DLGAP2: variants seen among roughly 807,000 people sequenced by gnomAD.
DLGAP2 encodes the protein DLG associated protein 2, also known as disks large-associated protein 2.
In DLGAP2, 26 loss-of-function variants were observed where a neutral mutation model predicts 100.3. That is an observed-to-expected ratio of 0.26 (90% CI 0.19 to 0.36). The LOEUF is 0.36. Ranked by LOEUF, DLGAP2 falls within the 10% of genes least tolerant of loss-of-function variation. DLGAP2 has a pLI of 1.00. For missense variants in DLGAP2, 1,858 were observed against 1,453.2 expected (o/e 1.28, Z -4.53); for synonymous variants, 886 against 630.1 (o/e 1.41, Z -6.08).
At chr8:1,115,157 T>C (rs1180261405) in intron 2 of DLGAP2, among the ~76,000 whole-genome samples, 1 of 152,260 alleles carries the variant, frequency 6.6e-6, no homozygotes, top group Non-Finnish European at 1.5e-5. Context: ...AAGAAGAATG[T>C]GCATTCTGTT....
At chr8:1,361,501 A>G (rs1801981227) in intron 3 of DLGAP2, among the ~76,000 whole-genome samples, 1 of 152,204 alleles carries the variant, frequency 6.6e-6, no homozygotes, top group Non-Finnish European at 1.5e-5. Flanking sequence ...CTCTGTAGGT[A>G]GCCGTCTGGT....
chr8:761,422 A>G (rs559375428), intron 1 of DLGAP2, among the ~76,000 whole-genome samples: 2 of 152,356 alleles, frequency 1.3e-5, no homozygotes, highest in African/African-American at 4.8e-5. Flanking sequence ...CTTGAAATGT[A>G]GTATAACTCT....
intron 1 of DLGAP2, among the ~76,000 whole-genome samples, chr8:813,427 A>C (rs1411081317): frequency 6.6e-6 from 1 of 152,180 alleles, no homozygotes; most frequent in Non-Finnish European, 1.5e-5. Flanking sequence ...TAGATTCTAT[A>C]ATGTCATCTT....
intron 3 of DLGAP2, among the ~76,000 whole-genome samples, chr8:1,367,921 T>C (rs1383893110): frequency 6.6e-6 from 1 of 152,224 alleles, no homozygotes; most frequent in Admixed American, 6.5e-5. Context: ...ACAAGCTCAG[T>C]TGTTCCGGAT....
intron 2 of DLGAP2, among the ~76,000 whole-genome samples, chr8:940,895 C>T (rs967435174): frequency 3.3e-5 from 5 of 152,092 alleles, no homozygotes; most frequent in African/African-American, 1.2e-4. Context: ...GAGGCTGAGC[C>T]CAGGAGTCAC....
intron 2 of DLGAP2, among the ~76,000 whole-genome samples, chr8:1,120,866 C>T (rs1271041164): frequency 2.0e-5 from 3 of 151,852 alleles, no homozygotes; most frequent in African/African-American, 4.8e-5. Context: ...CTTCAGAACC[C>T]GTGACCACCC....
At chr8:781,115 C>A (rs1049089717) in intron 1 of DLGAP2, among the ~76,000 whole-genome samples, 43 of 152,018 alleles carry the variant, frequency 2.8e-4, no homozygotes, top group African/African-American at 1.0e-3. Context: ...ATCTTTATTC[C>A]CTTAAGAGTA....
chr8:1,677,781 G>T (rs1798844099), intron 11 of DLGAP2, among the ~76,000 whole-genome samples: 1 of 152,206 alleles, frequency 6.6e-6, no homozygotes, highest in Non-Finnish European at 1.5e-5. Context: ...CCAGACAGAA[G>T]TGGCTCAGGC....
intron 2 of DLGAP2, among the ~76,000 whole-genome samples, chr8:963,107 A>T (rs2129010474): frequency 6.6e-6 from 1 of 152,274 alleles, no homozygotes; most frequent in African/African-American, 2.4e-5. Flanking sequence ...ATCAGCATGA[A>T]AAGCAGCAAC....
rs537530344 is a variant in DLGAP2, at chr8:1,277,798, C to T, written c.106+18915C>T. Among the ~76,000 whole-genome samples the T allele has an allele frequency of 6.4e-4, 98 of 152,290 alleles. 1 individual carries two copies. The highest frequency in any genetic ancestry group is 3.4e-3 in the Middle Eastern group (1 of 294). ...CTTGCTCTGAAACCTCACCTTTCTC[C>T]GCACGTTTCTCTAAGGGGTCCAACT... On this transcript the variant is annotated intron_variant, in intron 3 of 14. Coordinates refer to ENST00000637795, the MANE Select transcript of DLGAP2 (RefSeq NM_001346810.2).
At chr8:1,556,871 T>A (rs1801981925) in intron 5 of DLGAP2, among the ~76,000 whole-genome samples, 1 of 152,174 alleles carries the variant, frequency 6.6e-6, no homozygotes, top group Non-Finnish European at 1.5e-5. Context: ...ATCGCGAAGA[T>A]CTCTTCAGCT....
chr8:1,633,549 G>T (rs997366190), intron 8 of DLGAP2, among the ~76,000 whole-genome samples: 5 of 152,106 alleles, frequency 3.3e-5, no homozygotes, highest in African/African-American at 4.8e-5. Flanking sequence ...ACTCAGTCTC[G>T]CAATTTCCTT....
chr8:1,487,437 G>C (rs1205919025), intron 3 of DLGAP2, among the ~76,000 whole-genome samples: 1 of 152,166 alleles, frequency 6.6e-6, no homozygotes, highest in Non-Finnish European at 1.5e-5. Context: ...TAGTATATTG[G>C]CTATGAAATA....
intron 2 of DLGAP2, among the ~76,000 whole-genome samples, chr8:1,160,348 C>T (rs571893467): frequency 4.3e-4 from 65 of 152,252 alleles, no homozygotes; most frequent in African/African-American, 1.4e-3. Context: ...GAGGATCAGC[C>T]CCGCCCCAAA....
intron 1 of DLGAP2, among the ~76,000 whole-genome samples, chr8:867,935 A>T (rs925196958): frequency 2.0e-5 from 3 of 152,236 alleles, no homozygotes; most frequent in Admixed American, 1.3e-4. Context: ...TATACTCATT[A>T]TGAAAAGATT....
In DLGAP2 at chr8:1,350,368, T is replaced by C. The variant is rs75733805; in HGVS notation, c.106+91485T>C. ...CCTGACAGTGTGTGGAAAGGCCGCG[T>C]GGGTCCTGACTGTGCGTGGAAAGGC... On this transcript the variant is annotated intron_variant, in intron 3 of 14. Coordinates refer to ENST00000637795, the MANE Select transcript of DLGAP2 (RefSeq NM_001346810.2). Among the ~76,000 whole-genome samples the C allele has an allele frequency of 8.7e-3, 375 of 42,928 alleles. 31 individuals are homozygous for C. The highest frequency in any genetic ancestry group is 0.027 in the African/African-American group (287 of 10,454). The allele number at this position is 42,928 out of a possible 152,430, so 28.2% of individuals were successfully genotyped here.
intron 4 of DLGAP2, among the ~76,000 whole-genome samples, chr8:1,548,209 C>A (rs1801607686): frequency 6.6e-6 from 1 of 152,074 alleles, no homozygotes; most frequent in Admixed American, 6.6e-5. Context: ...TCTGTAATCC[C>A]AGGACTTTGG....
At chr8:870,929 CA>C (rs1797585185) in intron 1 of DLGAP2, among the ~76,000 whole-genome samples, 1 of 152,196 alleles carries the variant, frequency 6.6e-6, no homozygotes, top group Non-Finnish European at 1.5e-5. Context: ...ATCCTGTGGT[CA>C]TTCCCCTAAT....
In DLGAP2 at chr8:737,643, C is replaced by G. The variant is rs1485925823; in HGVS notation, c.-165C>G. 10 of 350,052 alleles carry G rather than the reference C, an allele frequency of 2.9e-5. No homozygotes were observed. Among genetic ancestry groups the G allele is most frequent in the East Asian group, 8.4e-5 (2 of 23,720 alleles). The allele number at this position is 350,052 out of a possible 1,614,324, so 21.7% of individuals were successfully genotyped here. ...CCGGCCGTGAAGACCGACCGTGCGC[C>G]GGGCTCGAGCGCGGTCTGAGCGCGC... On this transcript the variant is annotated 5_prime_UTR_variant, in exon 1 of 15. Coordinates refer to ENST00000637795, the MANE Select transcript of DLGAP2 (RefSeq NM_001346810.2).
Sources: allele counts gnomAD v4.1 joint callset (sites outside exome capture counted in the v4.1 genomes callset), GRCh38; gene constraint gnomAD v4.1.1; transcripts MANE v1.5; gene names NCBI Gene and HGNC (gene_info 2026-07-23, HGNC 2026-07-21).